Variants in HDAC11 observed in about 807,000 individuals in gnomAD.
HDAC11 encodes the protein histone deacetylase 11.
A neutral mutation model predicts 41.1 loss-of-function variants in HDAC11; 23 were observed. That is an observed-to-expected ratio of 0.56 (90% CI 0.40 to 0.79). The LOEUF is 0.79. Ranked by LOEUF, HDAC11 falls within the 30% of genes least tolerant of loss-of-function variation. The probability of loss-of-function intolerance (pLI) is 0.00; values close to 1 mark genes in which losing one functional copy is unlikely to be tolerated. For synonymous variants in HDAC11, 187 were observed against 186.6 expected (o/e 1.00, Z -0.02); for missense variants, 402 against 477.3 (o/e 0.84, Z 1.47).
At position 13,504,518 on chromosome 3, in the gene HDAC11, G is replaced by T. The variant is rs1474757848; in HGVS notation, c.879G>T (p.Arg293=). 6.2e-7 allele frequency: 1 copy of T among 1,613,424 alleles called. No homozygotes were observed. Among genetic ancestry groups the T allele is most frequent in the Non-Finnish European group, 8.5e-7 (1 of 1,180,038 alleles). The part of the protein sequence containing the change: ...ELVFRMVRGR[R]VPILMVTSGG... ...TGTTCCGGATGGTCCGTGGCCGCCG[G>T]GTGCCCATCCTTATGGTGACCTCAG... The change falls in exon 10 of 10, where the codon CGG becomes CGT. Residue 293 remains arginine (R), a synonymous_variant. Transcript: ENST00000295757.
chr3:13,491,359 A>G (rs904923932), intron 3 of HDAC11, among the ~76,000 whole-genome samples: 1 of 151,940 alleles, frequency 6.6e-6, no homozygotes, highest in Non-Finnish European at 1.5e-5. Context: ...AACGCCTTTT[A>G]TCATGTTGAG....
At position 13,503,030 on chromosome 3, in the gene HDAC11, C is replaced by G. The variant is rs754053685; in HGVS notation, c.649+50C>G. On this transcript the variant is annotated intron_variant, in intron 8 of 9. Coordinates refer to ENST00000295757, the MANE Select transcript of HDAC11 (RefSeq NM_024827.4). Reference sequence around the variant, plus strand: ...CTTGGGTGTGTCCTTGTGGATGAGGCTCTCTCCTGAGTGTCTCCTGTCTGC... The same window carrying G: ...CTTGGGTGTGTCCTTGTGGATGAGGGTCTCTCCTGAGTGTCTCCTGTCTGC... 9.2e-6 allele frequency: 13 copies of G among 1,409,136 alleles called. No individual in the cohort carries two copies. The South Asian group carries it at 1.5e-4, about 16-fold the overall frequency. 87.3% of individuals were successfully genotyped at this position (1,409,136 alleles called of 1,614,324 possible).
At position 13,501,896 on chromosome 3, in the gene HDAC11, T is replaced by A. The variant is rs772550452; in HGVS notation, c.515T>A (p.Ile172Asn). ...IKFLFERVEGISRATIIDLDA... is the reference protein window; with the variant it reads ...IKFLFERVEGNSRATIIDLDA... The stretch of plus-strand genomic sequence containing the variant: ...TTTCTGTTTGAGCGTGTGGAGGGCA[T>A]CTCCAGGGCTACCATCATTGATCTT... Residue 172 changes from isoleucine to asparagine, a missense_variant, in exon 7 of 10, where the codon ATC (isoleucine) becomes AAC (asparagine). Physicochemically the swap from Ile to Asn is moderately radical, Grantham distance 149 (BLOSUM62 -3). Transcript: ENST00000295757. 8.1e-6 allele frequency: 13 copies of A among 1,613,966 alleles called. No individual in the cohort carries two copies. The highest frequency in any genetic ancestry group is 1.1e-5 in the Non-Finnish European group (13 of 1,179,960).
chr3:13,500,023 G>C (rs1249695672), intron 5 of HDAC11, among the ~76,000 whole-genome samples: 3 of 152,102 alleles, frequency 2.0e-5, no homozygotes, highest in African/African-American at 4.8e-5. Context: ...AAGCTCAGTT[G>C]CTCAGTCAGG....
At chr3:13,491,139 C>T (rs1310276988) in intron 3 of HDAC11, among the ~76,000 whole-genome samples, 5 of 147,508 alleles carry the variant, frequency 3.4e-5, no homozygotes, top group African/African-American at 7.5e-5. Flanking sequence ...CTATATATAA[C>T]ATCATACCGT....
intron 3 of HDAC11, among the ~76,000 whole-genome samples, chr3:13,484,684 AC>A (rs1701480326): frequency 6.6e-6 from 1 of 152,134 alleles, no homozygotes; most frequent in African/African-American, 2.4e-5. Flanking sequence ...GAGCCACCAC[AC>A]CCGGCCCTGA....
chr3:13,505,974 T>C lies in HDAC11; in HGVS notation c.*1291T>C, dbSNP rs1220581757. On this transcript the variant is annotated 3_prime_UTR_variant, in exon 10 of 10. Transcript: ENST00000295757. ...AGGTGGCCCTGCTCCATCAGCCCCC[T>C]ACGGGACTTGTGTTCATTACAGTGA... The C allele has an allele frequency of 2.0e-5, 3 of 152,240 alleles. No homozygotes were observed. The highest frequency in any genetic ancestry group is 4.4e-5 in the Non-Finnish European group (3 of 68,064). 9.4% of individuals were successfully genotyped at this position (152,240 alleles called of 1,614,324 possible). A position where few individuals can be genotyped will look rare whatever the true frequency, so the allele number is the denominator to read the frequency against.
chr3:13,496,022 G>A (rs1200547007), intron 3 of HDAC11, among the ~76,000 whole-genome samples: 2 of 152,204 alleles, frequency 1.3e-5, no homozygotes, highest in Non-Finnish European at 2.9e-5. Context: ...CGCGTGGGTG[G>A]GGAGCAGGGA....
chr3:13,494,537 G>T (rs1240999732), intron 3 of HDAC11, among the ~76,000 whole-genome samples: 1 of 152,194 alleles, frequency 6.6e-6, no homozygotes, highest in Non-Finnish European at 1.5e-5. Flanking sequence ...CAGCTGTCTG[G>T]CTGTGCTGGT....
At chr3:13,481,524 T>A in intron 2 of HDAC11, 130 bp downstream of exon 2, 2 of 993,926 alleles carry the variant, frequency 2.0e-6, no homozygotes, top group Non-Finnish European at 3.0e-6. Context: ...CTTCCACCCA[T>A]GCTTCCGCCC....
Position 13,480,318 on chromosome 3 carries a change from G to T in HDAC11, c.-30G>T. 1 of 1,234,068 alleles carries T rather than the reference G, an allele frequency of 8.1e-7. No homozygotes were observed. Among genetic ancestry groups the T allele is most frequent in the South Asian group, 3.6e-5 (1 of 27,588 alleles). 76.4% of individuals were successfully genotyped at this position (1,234,068 alleles called of 1,614,324 possible). A position where few individuals can be genotyped will look rare whatever the true frequency, so the allele number is the denominator to read the frequency against. ...CCCCGCCCCGCCCGGTCGCGGAGCT[G>T]CGGCCAGCTTTGGGAGGGCCGGCCC... On this transcript the variant is annotated 5_prime_UTR_variant, in exon 1 of 10. Transcript: ENST00000295757. This position sits in a 1 kb window ranked among gnomAD's most constrained non-coding sequence, Gnocchi z 4.6.
chr3:13,496,331 C>A (rs1574905895), intron 3 of HDAC11, among the ~76,000 whole-genome samples: 1 of 152,208 alleles, frequency 6.6e-6, no homozygotes, highest in African/African-American at 2.4e-5. Context: ...TTGGGAAGAT[C>A]CTCGCTGCCT....
Position 13,480,337 on chromosome 3 carries a change from C to T in HDAC11, c.-11C>T. 8.2e-7 allele frequency: 1 copy of T among 1,224,740 alleles called. No individual in the cohort carries two copies. Among genetic ancestry groups the T allele is most frequent in the Non-Finnish European group, 1.0e-6 (1 of 983,306 alleles). The allele number at this position is 1,224,740 out of a possible 1,614,324, so 75.9% of individuals were successfully genotyped here. A position where few individuals can be genotyped will look rare whatever the true frequency, so the allele number is the denominator to read the frequency against. On this transcript the variant is annotated 5_prime_UTR_variant, in exon 1 of 10. Transcript: ENST00000295757. The surrounding 1 kb of genome is among the most constrained non-coding windows in gnomAD (Gnocchi z 4.6). ...GGAGCTGCGGCCAGCTTTGGGAGGG[C>T]CGGCCCCGGGATGTGAGTGCCGCGG...
chr3:13,505,956 C>T lies in HDAC11; in HGVS notation c.*1273C>T, dbSNP rs1481596938. The T allele has an allele frequency of 6.6e-6, 1 of 152,236 alleles. No homozygotes were observed. Among genetic ancestry groups the T allele is most frequent in the African/African-American group, 2.4e-5 (1 of 41,412 alleles). The allele number at this position is 152,236 out of a possible 1,614,324, so 9.4% of individuals were successfully genotyped here. ...GGGAAAGTGGGTCCATTGAGGTGGC[C>T]CTGCTCCATCAGCCCCCTACGGGAC... On this transcript the variant is annotated 3_prime_UTR_variant, in exon 10 of 10. Transcript: ENST00000295757.
intron 4 of HDAC11, 101 bp from the exon 5 acceptor site, chr3:13,498,412 C>T: frequency 1.4e-6 from 2 of 1,434,636 alleles, no homozygotes; most frequent in Non-Finnish European, 2.0e-6. Context: ...TCCCCCAGAG[C>T]TGGCTAGAAG....
chr3:13,483,398 A>T, intron 2 of HDAC11, 66 bp from the exon 3 acceptor site: 1 of 1,340,220 alleles, frequency 7.5e-7, no homozygotes, highest in Non-Finnish European at 1.1e-6. Context: ...AGCCTGTGGG[A>T]GGGTCTGGGG....
At chr3:13,484,280 C>T (rs1313663233) in intron 3 of HDAC11, among the ~76,000 whole-genome samples, 1 of 152,160 alleles carries the variant, frequency 6.6e-6, no homozygotes, top group East Asian at 1.9e-4. Context: ...TTATATTGGG[C>T]TGAAGTTTAA....
At position 13,504,641 on chromosome 3, in the gene HDAC11, A is replaced by G. The variant is rs1023596314; in HGVS notation, c.1002A>G (p.Ala334=). The change falls in exon 10 of 10, where the codon GCA becomes GCG. Residue 334 remains alanine (A), a synonymous_variant. Transcript: ENST00000295757. ...GGCCTGAGTCACCCAGCGTCTCCGC[A>G]CAGAACTCAGACACACCGCTGCTTC... ...LIGPESPSVS[A]QNSDTPLLPP... is the part of the protein sequence containing the mutation. The G allele has an allele frequency of 6.2e-7, 1 of 1,613,860 alleles. No homozygotes were observed. The highest frequency in any genetic ancestry group is 8.5e-7 in the Non-Finnish European group (1 of 1,180,020).
intron 3 of HDAC11, among the ~76,000 whole-genome samples, chr3:13,495,460 C>T (rs566605792): frequency 1.4e-4 from 21 of 152,186 alleles, no homozygotes; most frequent in Admixed American, 2.0e-4. Context: ...GCCCCAGACC[C>T]GACACCTGGG....
Sources: gnomAD v4.1 joint callset for allele counts (sites outside exome capture counted in the v4.1 genomes callset) on GRCh38, gnomAD v4.1.1 for gene constraint, Gnocchi (gnomAD v3.1) non-coding constraint, MANE v1.5 for transcripts, NCBI Gene and HGNC (gene_info 2026-07-23, HGNC 2026-07-21) for gene names.